Variants in TRAF3 observed in about 807,000 individuals in gnomAD.
TRAF3 encodes the protein TNF receptor-associated factor 3.
A neutral mutation model predicts 62.3 loss-of-function variants in TRAF3; 13 were observed. That is an observed-to-expected ratio of 0.21 (90% CI 0.14 to 0.33). TRAF3 has a LOEUF of 0.33. Among genes scored for constraint, TRAF3 ranks in the 10% least tolerant of loss-of-function variants. The pLI, the probability that TRAF3 is intolerant of heterozygous loss-of-function variation, is 1.00. For missense variants in TRAF3, 440 were observed against 741.8 expected (o/e 0.59, Z 4.73); for synonymous variants, 269 against 283.4 (o/e 0.95, Z 0.51).
In TRAF3 at chr14:102,800,299, C is replaced by T. The variant is rs538780938; in HGVS notation, c.-157+22624C>T. The stretch of plus-strand genomic sequence containing the variant: ...CTTTAGGAATGCAGTTTCCCAGGCC[C>T]TGCCTCAGACCTGCCGACTCACAGT... On this transcript the variant is annotated intron_variant, in intron 1 of 11. Coordinates refer to ENST00000392745, the MANE Select transcript of TRAF3 (RefSeq NM_145725.3). Among the ~76,000 whole-genome samples, 3 of 152,344 alleles carry T rather than the reference C, an allele frequency of 2.0e-5. No homozygotes were observed. In the East Asian group the frequency reaches 5.8e-4, roughly 29 times the overall value.
intron 1 of TRAF3, among the ~76,000 whole-genome samples, chr14:102,795,396 CTA>C (rs1898014935): frequency 6.6e-6 from 1 of 152,190 alleles, no homozygotes; most frequent in Admixed American, 6.5e-5. Context: ...GCTTGTACCT[CTA>C]TGGAGAACCC....
chr14:102,831,338 G>GACAT (rs1267662880), intron 2 of TRAF3, among the ~76,000 whole-genome samples: 2 of 152,214 alleles, frequency 1.3e-5, no homozygotes, highest in Non-Finnish European at 2.9e-5. Flanking sequence ...GCAGGGCATT[G>GACAT]ACATAACAAG....
At chr14:102,832,264 A>G (rs1303689371) in intron 2 of TRAF3, among the ~76,000 whole-genome samples, 29 of 152,212 alleles carry the variant, frequency 1.9e-4, no homozygotes, top group Admixed American at 1.8e-3. Context: ...TCTTTTAAAC[A>G]TAAAATCTTT....
chr14:102,883,116 A>T (rs1889160965), intron 6 of TRAF3, among the ~76,000 whole-genome samples: 1 of 152,212 alleles, frequency 6.6e-6, no homozygotes, highest in Non-Finnish European at 1.5e-5. Flanking sequence ...GTGTAGGAGA[A>T]ACACACACGC....
At chr14:102,817,408 G>T (rs1899603138) in intron 1 of TRAF3, among the ~76,000 whole-genome samples, 1 of 152,064 alleles carries the variant, frequency 6.6e-6, no homozygotes, top group South Asian at 2.1e-4. Context: ...TGATGGGGGA[G>T]TGGGGGTGCT....
intron 9 of TRAF3, among the ~76,000 whole-genome samples, chr14:102,892,565 A>G (rs1348877932): frequency 6.6e-6 from 1 of 152,234 alleles, no homozygotes; most frequent in African/African-American, 2.4e-5. Flanking sequence ...ACAAAAATAT[A>G]AACTTAATTC....
At chr14:102,878,381 AGT>A (rs1291387037) in intron 6 of TRAF3, among the ~76,000 whole-genome samples, 5 of 65,836 alleles carry the variant, frequency 7.6e-5, no homozygotes, top group Admixed American at 2.4e-4. Context: ...TGTGGGGGTG[AGT>A]GTGAATGTGG....
chr14:102,817,928 A>G (rs937962470), intron 1 of TRAF3, among the ~76,000 whole-genome samples: 2 of 152,172 alleles, frequency 1.3e-5, no homozygotes, highest in Non-Finnish European at 2.9e-5. Context: ...AGCTGCTCCA[A>G]ATATCCCTCC....
chr14:102,867,369 T>A (rs1003138862), intron 2 of TRAF3, among the ~76,000 whole-genome samples: 1 of 152,194 alleles, frequency 6.6e-6, no homozygotes, highest in Non-Finnish European at 1.5e-5. Context: ...GCTGGCTGGA[T>A]TTGATTTGCA....
chr14:102,902,067 G>C (rs1890331907), intron 10 of TRAF3, among the ~76,000 whole-genome samples: 1 of 152,258 alleles, frequency 6.6e-6, no homozygotes, highest in South Asian at 2.1e-4. Context: ...GGGCCACCAG[G>C]GCGGAGTACA....
intron 2 of TRAF3, among the ~76,000 whole-genome samples, chr14:102,847,057 A>G (rs1886769373): frequency 6.6e-6 from 1 of 152,266 alleles, no homozygotes; most frequent in East Asian, 1.9e-4. Context: ...ATCAGATTTT[A>G]TAGTGCATGT....
Position 102,886,233 on chromosome 14 carries a change from T to G in TRAF3, c.615T>G (p.Pro205=), listed in dbSNP as rs1463441936. ...TDCPCVVVSC[P]HKCSVQTLLR... ...GTCCCTGCGTGGTGGTGTCCTGCCC[T>G]CACAAGTGCAGCGTCCAGACTCTCC... is the stretch of plus-strand genomic sequence containing the variant. Residue 205 remains proline, a synonymous_variant, in exon 7 of 12, where the codon CCT becomes CCG. Coordinates refer to ENST00000392745, the MANE Select transcript of TRAF3 (RefSeq NM_145725.3). 2 of 1,612,114 alleles carry G rather than the reference T, an allele frequency of 1.2e-6. No homozygotes were observed. The highest frequency in any genetic ancestry group is 1.7e-6 in the Non-Finnish European group (2 of 1,179,396).
At chr14:102,898,751 C>T (rs1305824804) in intron 10 of TRAF3, among the ~76,000 whole-genome samples, 1 of 152,240 alleles carries the variant, frequency 6.6e-6, no homozygotes, top group Non-Finnish European at 1.5e-5. Context: ...TCAGTTTCTC[C>T]CCTTCCAGTC....
chr14:102,898,363 A>C (rs1254019657), intron 10 of TRAF3, among the ~76,000 whole-genome samples: 1 of 152,260 alleles, frequency 6.6e-6, no homozygotes, highest in Non-Finnish European at 1.5e-5. Context: ...AATCAAGCCA[A>C]ATAAAGTACA....
At chr14:102,895,928 C>G (rs1889983743) in intron 9 of TRAF3, among the ~76,000 whole-genome samples, 2 of 152,126 alleles carry the variant, frequency 1.3e-5, no homozygotes. Flanking sequence ...GGTGAGCAGG[C>G]TGGCCCCAAG....
chr14:102,814,320 G>A (rs12432676), intron 1 of TRAF3, among the ~76,000 whole-genome samples: 80,155 of 151,942 alleles, frequency 0.53, 23,544 homozygotes, highest in South Asian at 0.73. Flanking sequence ...GACCAGTACC[G>A]TGTCGTTTTG....
intron 2 of TRAF3, among the ~76,000 whole-genome samples, chr14:102,847,532 A>T (rs981343805): frequency 6.6e-6 from 1 of 152,106 alleles, no homozygotes; most frequent in Non-Finnish European, 1.5e-5. Context: ...ACCAACTATT[A>T]TTATTTTCTG....
At chr14:102,839,145 G>A (rs979532296) in intron 2 of TRAF3, among the ~76,000 whole-genome samples, 10 of 150,114 alleles carry the variant, frequency 6.7e-5, no homozygotes, top group Non-Finnish European at 1.0e-4. Flanking sequence ...TACAAAATGA[G>A]CAGGCTAATT....
At chr14:102,888,593 A>G (rs978141407) in intron 7 of TRAF3, among the ~76,000 whole-genome samples, 4 of 152,180 alleles carry the variant, frequency 2.6e-5, no homozygotes, top group Non-Finnish European at 4.4e-5. Flanking sequence ...ATGCTGGCAC[A>G]CAGAAGAACA....
Sources: gnomAD v4.1 joint callset for allele counts (sites outside exome capture counted in the v4.1 genomes callset) on GRCh38, gnomAD v4.1.1 for gene constraint, MANE v1.5 for transcripts, NCBI Gene and HGNC (gene_info 2026-07-23, HGNC 2026-07-21) for gene names.